RAI14: variants seen among roughly 807,000 people sequenced by gnomAD.
RAI14 encodes the protein retinoic acid induced 14, also known as ankycorbin.
Under a neutral mutation model 115.4 loss-of-function variants are expected in RAI14, and 45 were observed. That is an observed-to-expected ratio of 0.39 (90% CI 0.31 to 0.50). The LOEUF (loss-of-function observed/expected upper bound fraction) is 0.50. Ranked by LOEUF, RAI14 falls within the 20% of genes least tolerant of loss-of-function variation. The pLI is 0.85. For synonymous variants in RAI14, 371 were observed against 415.4 expected (o/e 0.89, Z 1.30); for missense variants, 939 against 1,131.2 (o/e 0.83, Z 2.44).
chr5:34,765,043 T>G (rs1005170232), intron 3 of RAI14, among the ~76,000 whole-genome samples: 1 of 152,208 alleles, frequency 6.6e-6, no homozygotes, highest in African/African-American at 2.4e-5. Context: ...TGCTTCTTCC[T>G]CATTTTTCTC....
At chr5:34,796,117 C>A in intron 4 of RAI14, 90 bp downstream of exon 4, 2 of 1,069,836 alleles carry the variant, frequency 1.9e-6, no homozygotes, top group Non-Finnish European at 1.4e-6. Flanking sequence ...AATTTAAGGC[C>A]AGGTGTGGTA....
At chr5:34,710,942 AAG>A (rs1322157672) in intron 2 of RAI14, among the ~76,000 whole-genome samples, 1 of 152,186 alleles carries the variant, frequency 6.6e-6, no homozygotes, top group African/African-American at 2.4e-5. Flanking sequence ...ATTCAGTTAA[AAG>A]AGTTTCCTAG....
intron 2 of RAI14, among the ~76,000 whole-genome samples, chr5:34,700,342 G>A (rs1739909895): frequency 6.6e-6 from 1 of 152,106 alleles, no homozygotes. Flanking sequence ...AGTCATTGGA[G>A]TCTATTGCTG....
At chr5:34,672,091 A>G (rs1725993337) in intron 1 of RAI14, among the ~76,000 whole-genome samples, 1 of 152,134 alleles carries the variant, frequency 6.6e-6, no homozygotes, top group Non-Finnish European at 1.5e-5. Flanking sequence ...GATAATGGAC[A>G]TTTGAGTTTT....
At chr5:34,796,308 G>A (rs1005365658) in intron 4 of RAI14, among the ~76,000 whole-genome samples, 1 of 151,168 alleles carries the variant, frequency 6.6e-6, no homozygotes, top group African/African-American at 2.4e-5. Context: ...TGAGACATGA[G>A]AATCACTGGA....
intron 2 of RAI14, among the ~76,000 whole-genome samples, chr5:34,756,955 G>T (rs1747966986): frequency 6.6e-6 from 1 of 152,170 alleles, no homozygotes. Context: ...CTTAAAATCA[G>T]TATCCAGCTC....
At chr5:34,670,271 C>A (rs1483095589) in intron 1 of RAI14, among the ~76,000 whole-genome samples, 3 of 152,192 alleles carry the variant, frequency 2.0e-5, no homozygotes, top group African/African-American at 7.2e-5. Flanking sequence ...ACGTGCAGCC[C>A]AGTGTCACGT....
At chr5:34,697,954 C>T (rs964531905) in intron 2 of RAI14, among the ~76,000 whole-genome samples, 2 of 152,038 alleles carry the variant, frequency 1.3e-5, no homozygotes, top group Non-Finnish European at 2.9e-5. Context: ...AACCTGTGAT[C>T]TTATTCACAT....
At chr5:34,806,680 CTGA>C (rs1191374157) in intron 5 of RAI14, among the ~76,000 whole-genome samples, 1 of 151,924 alleles carries the variant, frequency 6.6e-6, no homozygotes. Context: ...AATGTCTAGA[CTGA>C]TGATGATGCT....
At chr5:34,744,430 C>G (rs1052708201) in intron 2 of RAI14, among the ~76,000 whole-genome samples, 1 of 152,152 alleles carries the variant, frequency 6.6e-6, no homozygotes, top group Non-Finnish European at 1.5e-5. Context: ...TTAAAAGGCA[C>G]TTATTCAGAC....
chr5:34,692,775 C>T (rs1254693020), intron 2 of RAI14, among the ~76,000 whole-genome samples: 1 of 152,162 alleles, frequency 6.6e-6, no homozygotes, highest in African/African-American at 2.4e-5. Flanking sequence ...AATCTGCTCA[C>T]TGCCTGATTT....
chr5:34,665,493 CTTTTTTT>C (rs761118730), intron 1 of RAI14, among the ~76,000 whole-genome samples: 4 of 134,656 alleles, frequency 3.0e-5, no homozygotes, highest in South Asian at 4.8e-4. Flanking sequence ...ATTTTTTTTT[CTTTTTTT>C]TTTTTTTTCT....
At chr5:34,698,576 G>T (rs1048225940) in intron 2 of RAI14, among the ~76,000 whole-genome samples, 2 of 152,092 alleles carry the variant, frequency 1.3e-5, no homozygotes, top group Admixed American at 6.5e-5. Flanking sequence ...TGAGTTAGGG[G>T]CTGAGCCATC....
At chr5:34,707,134 C>A (rs961038720) in intron 2 of RAI14, among the ~76,000 whole-genome samples, 1 of 152,194 alleles carries the variant, frequency 6.6e-6, no homozygotes, top group East Asian at 1.9e-4. Flanking sequence ...GTGACTCCTG[C>A]AAGTCAGTTA....
At chr5:34,782,575 G>C (rs1260802887) in intron 3 of RAI14, among the ~76,000 whole-genome samples, 2 of 152,258 alleles carry the variant, frequency 1.3e-5, no homozygotes, top group East Asian at 3.9e-4. Flanking sequence ...CAAATTTGTA[G>C]AGTGTCCTTC....
At chr5:34,717,708 G>A (rs1162339182) in intron 2 of RAI14, among the ~76,000 whole-genome samples, 1 of 152,038 alleles carries the variant, frequency 6.6e-6, no homozygotes, top group Non-Finnish European at 1.5e-5. Flanking sequence ...GCTGGCTGAG[G>A]GGTGGCTCTG....
chr5:34,799,423 A>G (rs138887624), intron 4 of RAI14, among the ~76,000 whole-genome samples: 3 of 151,310 alleles, frequency 2.0e-5, no homozygotes, highest in Non-Finnish European at 4.4e-5. Context: ...TCCAGTGAGA[A>G]CTGGTACAAA....
intron 3 of RAI14, among the ~76,000 whole-genome samples, chr5:34,764,933 G>C (rs1287101273): frequency 2.0e-5 from 3 of 152,110 alleles, no homozygotes; most frequent in Non-Finnish European, 4.4e-5. Context: ...GGACCTGGTG[G>C]GAGATAAGTT....
chr5:34,796,750 C>T (rs913964250), intron 4 of RAI14, among the ~76,000 whole-genome samples: 1 of 152,182 alleles, frequency 6.6e-6, no homozygotes, highest in African/African-American at 2.4e-5. Context: ...GATTCTCACC[C>T]CTTGCTGTAC....
Sources: gnomAD v4.1 joint callset for allele counts (sites outside exome capture counted in the v4.1 genomes callset) on GRCh38, gnomAD v4.1.1 for gene constraint, MANE v1.5 for transcripts, NCBI Gene and HGNC (gene_info 2026-07-23, HGNC 2026-07-21) for gene names.